The following FOXP1 variants were observed in gnomAD, a reference collection of about 807,000 sequenced individuals.
The protein encoded by FOXP1 is forkhead box P1.
FOXP1 carries 15 observed loss-of-function variants against 98.2 expected under a neutral mutation model. The observed-to-expected ratio is 0.15, with a 90% CI of 0.10 to 0.24. The LOEUF is 0.24. Among genes scored for constraint, FOXP1 ranks in the 10% least tolerant of loss-of-function variants. The probability of loss-of-function intolerance (pLI) is 1.00; values close to 1 mark genes in which losing one functional copy is unlikely to be tolerated. For missense variants in FOXP1, 633 were observed against 848.5 expected, an observed-to-expected ratio of 0.75 and a Z score of 3.15; for synonymous variants, 371 against 314.5, an observed-to-expected ratio of 1.18 and a Z score of -1.90.
intron 6 of FOXP1, among the ~76,000 whole-genome samples, chr3:71,139,941 T>C (rs1343024061): frequency 2.6e-5 from 4 of 152,098 alleles, no homozygotes; most frequent in Non-Finnish European, 5.9e-5. Context: ...CCTAAGTGCC[T>C]CTGAATTTAA....
chr3:70,958,426 G>T lies in FOXP1; in HGVS notation c.*821C>A, dbSNP rs1472374313. Reference sequence around the variant, plus strand: ...TTTTTGAAAAAGACCAAAACGGAATGTTTTCTGACTTTAGAGAAACGTGGT... The same window carrying T: ...TTTTTGAAAAAGACCAAAACGGAATTTTTTCTGACTTTAGAGAAACGTGGT... On this transcript the variant is annotated 3_prime_UTR_variant, in exon 21 of 21. Transcript: ENST00000649528. 2.2e-6 allele frequency: 1 copy of T among 450,644 alleles called. No homozygotes were observed. Among genetic ancestry groups the T allele is most frequent in the East Asian group, 4.1e-5 (1 of 24,378 alleles). The allele number at this position is 450,644 out of a possible 1,614,324, so 27.9% of individuals were successfully genotyped here.
chr3:70,982,235 G>A (rs1402849930), intron 14 of FOXP1, among the ~76,000 whole-genome samples: 3 of 152,190 alleles, frequency 2.0e-5, no homozygotes, highest in Non-Finnish European at 4.4e-5. Flanking sequence ...TGTTTTTGCT[G>A]TAATCTTGAA....
intron 3 of FOXP1, among the ~76,000 whole-genome samples, chr3:71,489,389 A>T (rs2090903253): frequency 1.3e-5 from 2 of 152,250 alleles, no homozygotes; most frequent in African/African-American, 4.8e-5. Flanking sequence ...TCTACCAGCA[A>T]GGGACAACCT....
intron 5 of FOXP1, among the ~76,000 whole-genome samples, chr3:71,200,150 T>G (rs2063579730): frequency 6.6e-6 from 1 of 150,714 alleles, no homozygotes; most frequent in South Asian, 2.1e-4. Flanking sequence ...ACATTCACTC[T>G]TATTACTCTC....
At chr3:71,331,240 C>T (rs114971518) in intron 4 of FOXP1, among the ~76,000 whole-genome samples, 4,909 of 152,266 alleles carry the variant, frequency 0.032, 106 homozygotes, top group Middle Eastern at 0.054. Context: ...CCAGCTGGCC[C>T]GCAAGCCTGG....
At chr3:71,418,328 C>G (rs2083377922) in intron 3 of FOXP1, among the ~76,000 whole-genome samples, 1 of 152,190 alleles carries the variant, frequency 6.6e-6, no homozygotes, top group South Asian at 2.1e-4. Context: ...CCCCACAGAA[C>G]CTTTACAAGG....
intron 3 of FOXP1, among the ~76,000 whole-genome samples, chr3:71,439,865 G>GAACC (rs1291527964): frequency 6.7e-6 from 1 of 150,328 alleles, no homozygotes; most frequent in Non-Finnish European, 1.5e-5. Flanking sequence ...AGAATTGCCT[G>GAACC]AACCCAGGAG....
At chr3:71,023,889 A>G (rs1684643694) in intron 11 of FOXP1, among the ~76,000 whole-genome samples, 1 of 152,244 alleles carries the variant, frequency 6.6e-6, no homozygotes, top group African/African-American at 2.4e-5. Context: ...AAACTAGACG[A>G]GCTGGCCTTG....
chr3:71,563,661 T>C (rs2046704514), intron 2 of FOXP1, among the ~76,000 whole-genome samples: 1 of 152,232 alleles, frequency 6.6e-6, no homozygotes, highest in Non-Finnish European at 1.5e-5. Context: ...TATGAGGATA[T>C]ATGTAACACA....
At chr3:71,129,167 G>A (rs534848160) in intron 6 of FOXP1, among the ~76,000 whole-genome samples, 2 of 151,896 alleles carry the variant, frequency 1.3e-5, no homozygotes, top group Non-Finnish European at 2.9e-5. Flanking sequence ...CTGAGTTTTC[G>A]GCCCCCACAC....
At chr3:71,169,312 GTCTC>G (rs2061534869) in intron 6 of FOXP1, among the ~76,000 whole-genome samples, 1 of 152,120 alleles carries the variant, frequency 6.6e-6, no homozygotes, top group Non-Finnish European at 1.5e-5. Context: ...GCCCCCGAGC[GTCTC>G]TCTCTTTGTC....
At chr3:71,325,789 C>G (rs1394778502) in intron 4 of FOXP1, among the ~76,000 whole-genome samples, 2 of 152,092 alleles carry the variant, frequency 1.3e-5, no homozygotes, top group East Asian at 1.9e-4. Context: ...AAGCAATCTT[C>G]CCACCTCCTC....
intron 6 of FOXP1, among the ~76,000 whole-genome samples, chr3:71,176,435 A>G (rs2061941646): frequency 6.6e-6 from 1 of 152,172 alleles, no homozygotes; most frequent in South Asian, 2.1e-4. Context: ...CTGACCAGTC[A>G]AAGGAGACAG....
At chr3:71,013,518 G>A (rs2043973532) in intron 12 of FOXP1, among the ~76,000 whole-genome samples, 1 of 152,148 alleles carries the variant, frequency 6.6e-6, no homozygotes, top group Non-Finnish European at 1.5e-5. Flanking sequence ...ACAAATGGAA[G>A]AACATTCCAT....
chr3:71,256,760 GCC>G (rs1290787683), intron 5 of FOXP1, among the ~76,000 whole-genome samples: 1 of 152,162 alleles, frequency 6.6e-6, no homozygotes, highest in East Asian at 1.9e-4. Flanking sequence ...AAGATCCCCT[GCC>G]CTGTCATCGC....
intron 2 of FOXP1, among the ~76,000 whole-genome samples, chr3:71,544,543 G>A (rs868610720): frequency 2.7e-4 from 41 of 152,236 alleles, no homozygotes; most frequent in Middle Eastern, 3.4e-3. Flanking sequence ...AAAAACATAC[G>A]TTTCCAAAAT....
At position 71,406,347 on chromosome 3, in the gene FOXP1, C is replaced by T. The variant is rs182640319; in HGVS notation, c.-167-47103G>A. ...CATCTCTTAGCCTGTGGCCTCTTCCCGAATTATTTTCGTTATTTTTTTCTT... is the reference window on the plus strand; with the variant it reads ...CATCTCTTAGCCTGTGGCCTCTTCCTGAATTATTTTCGTTATTTTTTTCTT... On this transcript the variant is annotated intron_variant, in intron 3 of 20. Transcript: ENST00000649528. 2.1e-5 allele frequency among the ~76,000 whole-genome samples: 3 copies of T among 139,922 alleles called. No homozygotes were observed. The East Asian group carries it at 5.8e-4, about 27-fold the overall frequency. The allele number at this position is 139,922 out of a possible 152,430, so 91.8% of individuals were successfully genotyped here. A position where few individuals can be genotyped will look rare whatever the true frequency, so the allele number is the denominator to read the frequency against.
intron 2 of FOXP1, among the ~76,000 whole-genome samples, chr3:71,569,785 C>CTT (rs796572529): frequency 4.2e-5 from 6 of 142,228 alleles, no homozygotes; most frequent in African/African-American, 7.7e-5. Context: ...TCTCCACTTT[C>CTT]TTTTTTTTTT....
chr3:71,223,358 T>C (rs868274777), intron 5 of FOXP1, among the ~76,000 whole-genome samples: 1 of 152,154 alleles, frequency 6.6e-6, no homozygotes, highest in Non-Finnish European at 1.5e-5. Flanking sequence ...TGAATTCCTA[T>C]GAATGCTTTC....
Sources: gnomAD v4.1 joint callset for allele counts (sites outside exome capture counted in the v4.1 genomes callset) on GRCh38, gnomAD v4.1.1 for gene constraint, MANE v1.5 for transcripts, NCBI Gene and HGNC (gene_info 2026-07-23, HGNC 2026-07-21) for gene names.